Variants in TNFRSF1B observed in about 807,000 individuals in gnomAD.
The protein encoded by TNFRSF1B is TNF receptor superfamily member 1B.
Under a neutral mutation model 44.6 loss-of-function variants are expected in TNFRSF1B, and 19 were observed. The ratio of observed to expected loss-of-function variants is 0.43; its 90% confidence interval spans 0.30 to 0.62. TNFRSF1B has a LOEUF of 0.62. Among genes scored for constraint, TNFRSF1B ranks in the 20% least tolerant of loss-of-function variants. TNFRSF1B has a pLI of 0.16. For missense variants in TNFRSF1B, 541 were observed against 619.9 expected (o/e 0.87, Z 1.35); for synonymous variants, 252 against 261.1 (o/e 0.97, Z 0.34).
At chr1:12,189,878 AG>A (rs1460486338) in intron 2 of TNFRSF1B, among the ~76,000 whole-genome samples, 3 of 152,216 alleles carry the variant, frequency 2.0e-5, no homozygotes, top group Non-Finnish European at 4.4e-5. Flanking sequence ...GCATGTATAC[AG>A]GGAACAGTGT....
chr1:12,175,830 C>T (rs1156793041), intron 1 of TNFRSF1B, among the ~76,000 whole-genome samples: 1 of 152,182 alleles, frequency 6.6e-6, no homozygotes, highest in Non-Finnish European at 1.5e-5. Flanking sequence ...CGGGGAACCT[C>T]CTAACCGCTG....
intron 8 of TNFRSF1B, 77 bp downstream of exon 8, chr1:12,194,695 G>C (rs1311047329): frequency 6.4e-7 from 1 of 1,556,662 alleles, no homozygotes; most frequent in East Asian, 2.2e-5. Context: ...AGAGGAAGCA[G>C]TGAATTCTGT....
At chr1:12,183,720 C>T (rs147637461) in intron 1 of TNFRSF1B, among the ~76,000 whole-genome samples, 16,958 of 89,366 alleles carry the variant, frequency 0.19, 1,519 homozygotes, top group East Asian at 0.24. Context: ...ATTCTATCTA[C>T]CTATCTATCT....
At chr1:12,191,671 G>T (rs756847034) in intron 3 of TNFRSF1B, 103 bp from the exon 4 acceptor site, 7 of 1,496,822 alleles carry the variant, frequency 4.7e-6, no homozygotes, top group Non-Finnish European at 6.4e-6. Flanking sequence ...CGGTCCGCCA[G>T]CCTCCTGGAG....
chr1:12,175,108 A>G (rs948125940), intron 1 of TNFRSF1B, among the ~76,000 whole-genome samples: 2 of 152,088 alleles, frequency 1.3e-5, no homozygotes, highest in Non-Finnish European at 2.9e-5. Flanking sequence ...GGCTGTGGAC[A>G]GGGAGGGGGG....
At chr1:12,181,160 G>A (rs1638794186) in intron 1 of TNFRSF1B, among the ~76,000 whole-genome samples, 1 of 152,188 alleles carries the variant, frequency 6.6e-6, no homozygotes, top group East Asian at 1.9e-4. Flanking sequence ...TTACCCTGGA[G>A]GCAGGATGGA....
At chr1:12,201,935 C>G (rs1639399043) in intron 8 of TNFRSF1B, 32 bp from the exon 9 acceptor site, 2 of 1,554,728 alleles carry the variant, frequency 1.3e-6, no homozygotes, top group Non-Finnish European at 1.7e-6. Flanking sequence ...GGTGGGCTGA[C>G]TGCTCTCCCC....
chr1:12,174,254 C>A (rs1055072573), intron 1 of TNFRSF1B, among the ~76,000 whole-genome samples: 26 of 147,250 alleles, frequency 1.8e-4, no homozygotes, highest in African/African-American at 6.6e-4. Flanking sequence ...CCTTCTCCTT[C>A]TCCTTCTTCT....
intron 1 of TNFRSF1B, among the ~76,000 whole-genome samples, chr1:12,174,160 T>TCTTCTTCTTCTTCTTCTTCTTCTC (rs1553162433): frequency 4.4e-5 from 3 of 67,832 alleles, no homozygotes; most frequent in South Asian, 5.6e-4. Context: ...TTCTTCTTCT[T>TCTTCTTCTTCTTCTTCTTCTTCTC]CTTCTCCTTC....
At chr1:12,172,444 G>A (rs904371578) in intron 1 of TNFRSF1B, among the ~76,000 whole-genome samples, 3 of 152,222 alleles carry the variant, frequency 2.0e-5, no homozygotes, top group Admixed American at 2.0e-4. Flanking sequence ...TTCTAATCCT[G>A]GCATTGGCAG....
chr1:12,202,632 G>A (rs5746056), intron 9 of TNFRSF1B, among the ~76,000 whole-genome samples: 29,161 of 152,148 alleles, frequency 0.19, 3,350 homozygotes, highest in Non-Finnish European at 0.27. Flanking sequence ...CCCAGCTACT[G>A]ATAATTAATC....
At chr1:12,192,367 T>C (rs183044451) in intron 4 of TNFRSF1B, 64 bp from the exon 5 acceptor site, 2 of 1,531,084 alleles carry the variant, frequency 1.3e-6, no homozygotes, top group African/African-American at 2.7e-5. Context: ...AGGGCTCTAG[T>C]GCCAAGGCCC....
chr1:12,200,061 A>C (rs992063106), intron 8 of TNFRSF1B, among the ~76,000 whole-genome samples: 14 of 152,092 alleles, frequency 9.2e-5, no homozygotes, highest in African/African-American at 2.9e-4. Context: ...GAAACCCCAG[A>C]CACCCAGGAA....
In TNFRSF1B at chr1:12,199,867, G is replaced by A. The variant is rs1218186689; in HGVS notation, c.901-2100G>A. Among the ~76,000 whole-genome samples, 2 of 152,230 alleles carry A rather than the reference G, an allele frequency of 1.3e-5. No homozygotes were observed. The highest frequency in any genetic ancestry group is 2.9e-5 in the Non-Finnish European group (2 of 68,040). On this transcript the variant is annotated intron_variant, in intron 8 of 9. Coordinates refer to ENST00000376259, the MANE Select transcript of TNFRSF1B (RefSeq NM_001066.3). This position sits in a 1 kb window ranked among gnomAD's most constrained non-coding sequence, Gnocchi z 4.0. ...AGGCCAGGGGCCAGGGCAGCTGTTG[G>A]GAATGTGGCCTGTGCCATCTCCTTT... is the stretch of plus-strand genomic sequence containing the variant.
intron 8 of TNFRSF1B, among the ~76,000 whole-genome samples, chr1:12,198,836 A>G (rs1367506955): frequency 2.0e-5 from 3 of 151,768 alleles, no homozygotes; most frequent in African/African-American, 4.8e-5. Context: ...GACTACAGGC[A>G]CCCACCAGCT....
At chr1:12,188,649 G>A (rs1639039583) in intron 1 of TNFRSF1B, 147 bp from the exon 2 acceptor site, 1 of 693,088 alleles carries the variant, frequency 1.4e-6, no homozygotes, top group Admixed American at 2.7e-5. Context: ...CCTGTACCCT[G>A]CTCCAGGGGG....
chr1:12,181,147 CACTT>C (rs1638793903), intron 1 of TNFRSF1B, among the ~76,000 whole-genome samples: 1 of 152,190 alleles, frequency 6.6e-6, no homozygotes, highest in Non-Finnish European at 1.5e-5. Context: ...AGCTTCCCCA[CACTT>C]ACCCTGGAGG....
intron 1 of TNFRSF1B, among the ~76,000 whole-genome samples, chr1:12,182,300 G>C (rs771483891): frequency 1.3e-5 from 2 of 152,102 alleles, no homozygotes; most frequent in South Asian, 2.1e-4. Context: ...TGCTGCTTTC[G>C]TTCTCACCCT....
intron 4 of TNFRSF1B, 171 bp from the exon 5 acceptor site, chr1:12,192,260 A>G (rs28419133): frequency 2.8e-6 from 2 of 711,290 alleles, no homozygotes; most frequent in Non-Finnish European, 5.0e-6. Context: ...GTGTGTGTGC[A>G]TGTGTGTACA....
Sources: gnomAD v4.1 joint callset for allele counts (sites outside exome capture counted in the v4.1 genomes callset) on GRCh38, gnomAD v4.1.1 for gene constraint, Gnocchi (gnomAD v3.1) non-coding constraint, MANE v1.5 for transcripts, NCBI Gene and HGNC (gene_info 2026-07-23, HGNC 2026-07-21) for gene names.